CD55: variants seen among roughly 807,000 people sequenced by gnomAD.
CD55 encodes CD55 molecule (Cromer blood group).
Under a neutral mutation model 45.8 loss-of-function variants are expected in CD55, and 41 were observed. That is an observed-to-expected ratio of 0.90 (90% CI 0.70 to 1.16). The LOEUF is 1.16. CD55 is among the 50% of genes most tolerant of loss of function. CD55 has a pLI of 0.00. For missense variants in CD55, 416 were observed against 469.8 expected (o/e 0.89, Z 1.06); for synonymous variants, 181 against 181.1 (o/e 1.00, Z 0.01).
Position 207,325,855 on chromosome 1 carries a change from T to G in CD55, c.578+134T>G, listed in dbSNP as rs968846289. ...AAACAATCCCTCTCCTCAAAGACCC[T>G]TCATCATGAGCTCATCACAGTTAAA... On this transcript the variant is annotated intron_variant, in intron 4 of 9. Coordinates refer to ENST00000367064, the MANE Select transcript of CD55 (RefSeq NM_000574.5). 9.8e-5 allele frequency: 48 copies of G among 489,746 alleles called. 1 individual carries two copies. Among genetic ancestry groups the G allele is most frequent in the Middle Eastern group, 9.6e-4 (3 of 3,114 alleles). The allele number at this position is 489,746 out of a possible 1,614,324, so 30.3% of individuals were successfully genotyped here. A position where few individuals can be genotyped will look rare whatever the true frequency, so the allele number is the denominator to read the frequency against.
intron 9 of CD55, among the ~76,000 whole-genome samples, chr1:207,341,413 G>A (rs2102416463): frequency 6.6e-6 from 1 of 152,162 alleles, no homozygotes. Flanking sequence ...TTATGTTTAA[G>A]TTTTTAATCA....
Position 207,337,364 on chromosome 1 carries a change from C to A in CD55, c.1015C>A (p.His339Asn), listed in dbSNP as rs372998346. Residue 339 changes from histidine (H) to asparagine (N), a missense_variant, in exon 8 of 10, where the codon CAT becomes AAT. Around this residue, in one of 3 missense-constraint regions of CD55, gnomAD observed 182 missense variants for 201.4 expected, o/e 0.90. Coordinates refer to ENST00000367064, the MANE Select transcript of CD55 (RefSeq NM_000574.5). ...TACACCTGTTTCCAGGACAACCAAG[C>A]ATTTTCATGAAACAACCCCAAATAA... ...RSTPVSRTTK[H>N]FHETTPNKGS... The A allele has an allele frequency of 3.4e-5, 54 of 1,611,774 alleles. 1 individual carries two copies. The South Asian group carries it at 5.7e-4, about 17-fold the overall frequency.
intron 9 of CD55, among the ~76,000 whole-genome samples, chr1:207,349,448 G>A (rs1047502468): frequency 6.6e-6 from 1 of 152,116 alleles, no homozygotes; most frequent in Admixed American, 6.5e-5. Context: ...CTTGCAAAGT[G>A]CTGGGATTAC....
intron 2 of CD55, 42 bp downstream of exon 2, chr1:207,322,609 G>T: frequency 6.7e-7 from 1 of 1,494,576 alleles, no homozygotes; most frequent in Non-Finnish European, 9.1e-7. Flanking sequence ...GGAATGGAAT[G>T]TATCTTAAAT....
intron 9 of CD55, among the ~76,000 whole-genome samples, chr1:207,349,256 C>G (rs914031297): frequency 1.9e-4 from 29 of 149,418 alleles, no homozygotes; most frequent in African/African-American, 6.2e-4. Flanking sequence ...GATCTTGGTT[C>G]ACTGCAACCT....
intron 9 of CD55, among the ~76,000 whole-genome samples, chr1:207,340,115 C>T (rs1377248142): frequency 6.6e-6 from 1 of 152,132 alleles, no homozygotes; most frequent in African/African-American, 2.4e-5. Context: ...CTTCATCCTC[C>T]CTCCTACTCA....
chr1:207,351,326 T>C (rs1655859331), intron 9 of CD55, among the ~76,000 whole-genome samples: 1 of 152,166 alleles, frequency 6.6e-6, no homozygotes, highest in African/African-American at 2.4e-5. Context: ...CTGTTGTTCT[T>C]GGGTGTAATG....
chr1:207,326,875 C>A, intron 5 of CD55, 38 bp downstream of exon 5: 1 of 1,360,514 alleles, frequency 7.4e-7, no homozygotes, highest in Non-Finnish European at 1.0e-6. Flanking sequence ...GATTGTGAGG[C>A]TGAGTACTCA....
intron 9 of CD55, 125 bp downstream of exon 9, chr1:207,339,542 C>T: frequency 1.3e-6 from 1 of 758,840 alleles, no homozygotes; most frequent in South Asian, 1.9e-5. Context: ...TATTTTTAAA[C>T]TTTTTAGTAT....
At chr1:207,352,523 G>T (rs977977568) in intron 9 of CD55, among the ~76,000 whole-genome samples, 1 of 151,996 alleles carries the variant, frequency 6.6e-6, no homozygotes, top group Non-Finnish European at 1.5e-5. Context: ...CAAACCAGTC[G>T]GATGTTGGTT....
intron 9 of CD55, chr1:207,340,302 T>G (rs1655365895): frequency 5.5e-6 from 2 of 362,186 alleles, no homozygotes; most frequent in Non-Finnish European, 9.9e-6. Flanking sequence ...AACTTTATTC[T>G]TTTTATGGCT....
Position 207,321,792 on chromosome 1 carries a change from C to G in CD55, c.27C>G (p.Pro9=), listed in dbSNP as rs1473032370. 6.6e-7 allele frequency: 1 copy of G among 1,523,286 alleles called. No homozygotes were observed. The highest frequency in any genetic ancestry group is 8.8e-7 in the Non-Finnish European group (1 of 1,141,424). The allele number at this position is 1,523,286 out of a possible 1,614,324, so 94.4% of individuals were successfully genotyped here. ...TGACCGTCGCGCGGCCGAGCGTGCC[C>G]GCGGCGCTGCCCCTCCTCGGGGAGC... The part of the protein sequence containing the change: MTVARPSV[P]AALPLLGELP... The change falls in exon 1 of 10, where the codon CCC becomes CCG. Residue 9 remains proline, a synonymous_variant. Transcript: ENST00000367064.
rs150942114 is a variant in CD55 at position 207,326,414 on chromosome 1, A to G, written c.579-338A>G. ...CTTTGAACCCTTTAAATATAAGTAC[A>G]TTCTATTATTCTGTGAAGCCCATAT... On this transcript the variant is annotated intron_variant, in intron 4 of 9. Transcript: ENST00000367064. Among the ~76,000 whole-genome samples the G allele has an allele frequency of 1.8e-3, 273 of 152,318 alleles. 1 individual carries two copies. Among genetic ancestry groups the G allele is most frequent in the African/African-American group, 6.3e-3 (264 of 41,578 alleles).
At chr1:207,356,485 G>C (rs1400159537) in intron 9 of CD55, among the ~76,000 whole-genome samples, 2 of 152,074 alleles carry the variant, frequency 1.3e-5, no homozygotes, top group Non-Finnish European at 2.9e-5. Context: ...ATTTATGATA[G>C]TATCTAGTGT....
At chr1:207,347,142 A>G (rs372396486) in intron 9 of CD55, 6 of 456,150 alleles carry the variant, frequency 1.3e-5, no homozygotes, top group Middle Eastern at 3.2e-4. Context: ...GTTTCTCTCC[A>G]TGGAAGAGGA....
intron 9 of CD55, among the ~76,000 whole-genome samples, chr1:207,339,824 C>A (rs1388545197): frequency 6.6e-6 from 1 of 152,058 alleles, no homozygotes; most frequent in African/African-American, 2.4e-5. Flanking sequence ...CCCTGATTAT[C>A]TTATAATTTT....
chr1:207,342,588 T>G (rs1655471426), intron 9 of CD55, among the ~76,000 whole-genome samples: 1 of 152,134 alleles, frequency 6.6e-6, no homozygotes. Flanking sequence ...TGGTGTTGGA[T>G]TTGGTTTGCT....
At chr1:207,327,168 A>G (rs561818324) in intron 5 of CD55, among the ~76,000 whole-genome samples, 218 of 152,264 alleles carry the variant, frequency 1.4e-3, no homozygotes, top group South Asian at 3.5e-3. Flanking sequence ...CCGCCCCACA[A>G]TTTTGTGTAA....
intron 6 of CD55, among the ~76,000 whole-genome samples, chr1:207,332,798 A>G (rs1655007205): frequency 6.6e-6 from 1 of 152,216 alleles, no homozygotes; most frequent in Non-Finnish European, 1.5e-5. Flanking sequence ...TTTTTAAGGC[A>G]TAAGATACAG....
Sources: allele counts gnomAD v4.1 joint callset (sites outside exome capture counted in the v4.1 genomes callset), GRCh38; gene constraint gnomAD v4.1.1; regional missense constraint gnomAD v4.1.1; transcripts MANE v1.5; gene names NCBI Gene and HGNC (gene_info 2026-07-23, HGNC 2026-07-21).